TTC8: variants seen among roughly 807,000 people sequenced by gnomAD.
TTC8 encodes the protein tetratricopeptide repeat domain 8.
In TTC8, 47 loss-of-function variants were observed where a neutral mutation model predicts 72.5. The observed-to-expected ratio is 0.65, with a 90% CI of 0.51 to 0.83. TTC8 has a LOEUF of 0.83. Among genes scored for constraint, TTC8 ranks in the 40% least tolerant of loss-of-function variants. The probability of loss-of-function intolerance (pLI) is 0.00; values close to 1 mark genes in which losing one functional copy is unlikely to be tolerated. For missense variants in TTC8, 611 were observed against 623.2 expected (o/e 0.98, Z 0.21); for synonymous variants, 199 against 221.4 (o/e 0.90, Z 0.90).
chr14:88,858,134 G>GT (rs1403079190), intron 9 of TTC8, among the ~76,000 whole-genome samples: 1 of 151,816 alleles, frequency 6.6e-6, no homozygotes, highest in Non-Finnish European at 1.5e-5. Context: ...GCTAATTTTT[G>GT]TATTTTTAGT....
At chr14:88,847,871 C>A (rs770146444) in intron 7 of TTC8, among the ~76,000 whole-genome samples, 4 of 151,644 alleles carry the variant, frequency 2.6e-5, no homozygotes, top group Non-Finnish European at 5.9e-5. Context: ...AACTGTAATC[C>A]CAGCACTTTG....
At chr14:88,866,875 A>G (rs934906759) in intron 10 of TTC8, among the ~76,000 whole-genome samples, 1 of 152,142 alleles carries the variant, frequency 6.6e-6, no homozygotes, top group African/African-American at 2.4e-5. Context: ...TGGAGGGACA[A>G]AAGATAGGAT....
At chr14:88,838,636 G>T (rs2094764428) in intron 2 of TTC8, among the ~76,000 whole-genome samples, 1 of 152,058 alleles carries the variant, frequency 6.6e-6, no homozygotes. Flanking sequence ...GTAAAGGAAA[G>T]GTAGAAATTT....
rs375312611 is a variant in TTC8 at position 88,838,899 on chromosome 14, A to G, written c.145-553A>G. On this transcript the variant is annotated intron_variant, in intron 2 of 14. Coordinates refer to ENST00000380656, the MANE Select transcript of TTC8 (RefSeq NM_144596.4). ...AACATTTCTTGAATACCTACTGTCT[A>G]CAAAAACCATAGATATTATGGAAAA... 2.6e-4 allele frequency among the ~76,000 whole-genome samples: 39 copies of G among 152,254 alleles called. 1 individual carries two copies. Among genetic ancestry groups the G allele is most frequent in the African/African-American group, 9.1e-4 (38 of 41,564 alleles).
chr14:88,826,672 C>T (rs2094702698), intron 1 of TTC8, among the ~76,000 whole-genome samples: 2 of 152,106 alleles, frequency 1.3e-5, no homozygotes, highest in South Asian at 4.1e-4. Flanking sequence ...CCACTGCACT[C>T]CACACTCCAC....
intron 5 of TTC8, 28 bp from the exon 6 acceptor site, chr14:88,841,397 C>T (rs139805316): frequency 6.2e-7 from 1 of 1,609,848 alleles, no homozygotes; most frequent in Admixed American, 1.7e-5. Context: ...AGTTTCAGAT[C>T]TCTTGGTCTA....
intron 14 of TTC8, 113 bp downstream of exon 14, chr14:88,875,222 CT>C: frequency 1.1e-6 from 1 of 869,842 alleles, no homozygotes; most frequent in Non-Finnish European, 1.8e-6. Flanking sequence ...AAAGAAATGA[CT>C]TTTTAAAACT....
chr14:88,829,871 A>G (rs2094718102), intron 1 of TTC8, among the ~76,000 whole-genome samples: 1 of 152,204 alleles, frequency 6.6e-6, no homozygotes, highest in Non-Finnish European at 1.5e-5. Context: ...GCCAAAGAAC[A>G]TATCGTGTGA....
rs145489943 is a variant in TTC8, at chr14:88,872,815, C to T, written c.1347+363C>T. 1.1e-3 allele frequency among the ~76,000 whole-genome samples: 161 copies of T among 152,240 alleles called. No homozygotes were observed. In the East Asian group the frequency reaches 0.017, roughly 16 times the overall value. On this transcript the variant is annotated intron_variant, in intron 13 of 14. Coordinates refer to ENST00000380656, the MANE Select transcript of TTC8 (RefSeq NM_144596.4). ...TTATTGCTTCCCCCTGCCACACCTG[C>T]GCCCACATCATATTCAGCAAGCCCT...
rs2094739910 is a variant in TTC8 at position 88,834,323 on chromosome 14, G to C, written c.144+601G>C. On this transcript the variant is annotated intron_variant, in intron 2 of 14. Transcript: ENST00000380656. ...GGAGGAAACCCTGGGAGAGAGGAGG[G>C]GGACACCTGGCCAGTGATACTTTTA... 2.0e-5 allele frequency among the ~76,000 whole-genome samples: 3 copies of C among 152,178 alleles called. No homozygotes were observed. In the South Asian group the frequency reaches 6.2e-4, roughly 32 times the overall value.
chr14:88,846,827 TA>T, intron 7 of TTC8: 1 of 423,614 alleles, frequency 2.4e-6, no homozygotes, highest in South Asian at 4.5e-5. Context: ...TAGTAACATT[TA>T]AACTTTTTAT....
At chr14:88,833,745 C>A (rs768227263) in intron 2 of TTC8, 23 bp downstream of exon 2, 3 of 1,610,960 alleles carry the variant, frequency 1.9e-6, no homozygotes, top group Non-Finnish European at 2.5e-6. Context: ...TTAGCTGCAA[C>A]CTTTAGTTTA....
Position 88,830,867 on chromosome 14 carries a change from C to A in TTC8, c.115-2826C>A, listed in dbSNP as rs1244258152. ...TCCTAATTAAAACATTCCGACTCTT[C>A]CTTCATAGTCCTGCTCCTGATGGAT... is the stretch of plus-strand genomic sequence containing the variant. On this transcript the variant is annotated intron_variant, in intron 1 of 14. Coordinates refer to ENST00000380656, the MANE Select transcript of TTC8 (RefSeq NM_144596.4). 1.1e-5 allele frequency: 5 copies of A among 455,928 alleles called. No homozygotes were observed. In the East Asian group the frequency reaches 3.5e-4, roughly 32 times the overall value. The allele number at this position is 455,928 out of a possible 1,614,324, so 28.2% of individuals were successfully genotyped here. A position where few individuals can be genotyped will look rare whatever the true frequency, so the allele number is the denominator to read the frequency against.
chr14:88,875,273 G>GA (rs1208447351), intron 14 of TTC8, among the ~76,000 whole-genome samples, 164 bp downstream of exon 14: 2 of 151,964 alleles, frequency 1.3e-5, no homozygotes, highest in Non-Finnish European at 2.9e-5. Context: ...TACTTCAAGG[G>GA]ACAGCATTTA....
At chr14:88,861,736 A>G (rs899778333) in intron 10 of TTC8, among the ~76,000 whole-genome samples, 1 of 152,166 alleles carries the variant, frequency 6.6e-6, no homozygotes, top group Non-Finnish European at 1.5e-5. Flanking sequence ...AACATGCGGC[A>G]CTTTTCTTTC....
At chr14:88,841,596 T>C in intron 6 of TTC8, 82 bp downstream of exon 6, 1 of 1,198,022 alleles carries the variant, frequency 8.3e-7, no homozygotes, top group Non-Finnish European at 1.2e-6. Flanking sequence ...GAATAAAAAC[T>C]TGTGAAGGAA....
At position 88,841,060 on chromosome 14, in the gene TTC8, C is replaced by T. The variant is rs771976758; in HGVS notation, c.353C>T (p.Pro118Leu). 1.2e-6 allele frequency: 2 copies of T among 1,613,908 alleles called. No individual in the cohort carries two copies. Among genetic ancestry groups the T allele is most frequent in the Non-Finnish European group, 1.7e-6 (2 of 1,179,994 alleles). ...AVRPITQAGR[P>L]ITGFLRPSTQ... ...AGGCCAATCACACAAGCTGGAAGAC[C>T]CATTACAGGTTTCCTCAGGCCCAGC... The change falls in exon 5 of 15, where the codon CCC becomes CTC. Residue 118 changes from proline to leucine, a missense_variant. Transcript: ENST00000380656.
rs1437304266 is a variant in TTC8, at chr14:88,859,875, AT to A, written c.799-1345del. Reference sequence around the variant, plus strand: ...ATATAATCATATATAATATAAATATATTATATATTATATAATATATAATATA... The same window carrying A: ...ATATAATCATATATAATATAAATATATATATATTATATAATATATAATATA... On this transcript the variant is annotated intron_variant, in intron 9 of 14. Transcript: ENST00000380656. Among the ~76,000 whole-genome samples, 5 of 118,402 alleles carry A rather than the reference AT, an allele frequency of 4.2e-5. No homozygotes were observed. In the East Asian group the frequency reaches 1.2e-3, roughly 29 times the overall value. 77.7% of individuals were successfully genotyped at this position (118,402 alleles called of 152,430 possible). A position where few individuals can be genotyped will look rare whatever the true frequency, so the allele number is the denominator to read the frequency against.
intron 1 of TTC8, among the ~76,000 whole-genome samples, chr14:88,828,621 G>T (rs1170802892): frequency 6.6e-6 from 1 of 152,072 alleles, no homozygotes; most frequent in Non-Finnish European, 1.5e-5. Context: ...CATTACAAAA[G>T]ATAGTTTTTG....
Sources: allele counts gnomAD v4.1 joint callset (sites outside exome capture counted in the v4.1 genomes callset), GRCh38; gene constraint gnomAD v4.1.1; transcripts MANE v1.5; gene names NCBI Gene and HGNC (gene_info 2026-07-23, HGNC 2026-07-21).